The following STAM variants were observed in gnomAD, a reference collection of about 807,000 sequenced individuals.
The protein encoded by STAM is signal transducing adapter molecule 1.
Under a neutral mutation model 63.4 loss-of-function variants are expected in STAM, and 16 were observed. That is an observed-to-expected ratio of 0.25 (90% CI 0.17 to 0.38). The LOEUF (loss-of-function observed/expected upper bound fraction) is 0.38, where lower values mean the gene tolerates loss of function less well. Among genes scored for constraint, STAM ranks in the 10% least tolerant of loss-of-function variants. The pLI, the probability that STAM is intolerant of heterozygous loss-of-function variation, is 1.00. For missense variants in STAM, 636 were observed against 657.1 expected, an observed-to-expected ratio of 0.97 and a Z score of 0.35; for synonymous variants, 238 against 223.9, an observed-to-expected ratio of 1.06 and a Z score of -0.56.
At chr10:17,675,913 A>G (rs1228561944) in intron 2 of STAM, among the ~76,000 whole-genome samples, 3 of 152,198 alleles carry the variant, frequency 2.0e-5, no homozygotes, top group African/African-American at 7.2e-5. Context: ...GATACCTACA[A>G]ATAGCACTCC....
At chr10:17,672,532 A>T (rs1212432687) in intron 2 of STAM, among the ~76,000 whole-genome samples, 1 of 152,070 alleles carries the variant, frequency 6.6e-6, no homozygotes, top group Non-Finnish European at 1.5e-5. Flanking sequence ...TACAATTCCC[A>T]CTTTTCTCAT....
chr10:17,682,023 C>T (rs1554825441), intron 2 of STAM, among the ~76,000 whole-genome samples: 1 of 152,108 alleles, frequency 6.6e-6, no homozygotes, highest in African/African-American at 2.4e-5. Context: ...TTTTACTGAC[C>T]TGTGATTTAT....
chr10:17,659,793 C>T (rs1554822641), intron 1 of STAM, among the ~76,000 whole-genome samples: 2 of 152,074 alleles, frequency 1.3e-5, no homozygotes, highest in Admixed American at 6.6e-5. Context: ...TATGTAGATA[C>T]AAGTTTCTGA....
At chr10:17,712,233 T>C (rs781848218) in intron 13 of STAM, among the ~76,000 whole-genome samples, 9 of 152,226 alleles carry the variant, frequency 5.9e-5, no homozygotes, top group Non-Finnish European at 1.0e-4. Context: ...ACCCCCATTT[T>C]ATAGATGGGG....
intron 2 of STAM, among the ~76,000 whole-genome samples, chr10:17,671,501 A>T (rs1420003041): frequency 6.6e-6 from 1 of 152,104 alleles, no homozygotes; most frequent in African/African-American, 2.4e-5. Flanking sequence ...ACTGTATCAC[A>T]ATGCTTCTTT....
intron 1 of STAM, among the ~76,000 whole-genome samples, chr10:17,660,154 A>G (rs72780794): frequency 0.13 from 19,152 of 152,174 alleles, 1,626 homozygotes; most frequent in Non-Finnish European, 0.18. Context: ...TGAAAATAGT[A>G]TTTCTTATTT....
chr10:17,678,203 A>G (rs1455171449), intron 2 of STAM, among the ~76,000 whole-genome samples: 1 of 152,096 alleles, frequency 6.6e-6, no homozygotes, highest in East Asian at 1.9e-4. Flanking sequence ...GACATTTCAT[A>G]TAAATGGAGC....
intron 2 of STAM, among the ~76,000 whole-genome samples, chr10:17,684,347 C>G (rs1049096029): frequency 1.3e-5 from 2 of 151,988 alleles, no homozygotes; most frequent in African/African-American, 2.4e-5. Context: ...TTGTTTACAA[C>G]GGGAGTGTAA....
chr10:17,647,591 A>T (rs1263713820), intron 1 of STAM, among the ~76,000 whole-genome samples: 1 of 151,904 alleles, frequency 6.6e-6, no homozygotes, highest in Admixed American at 6.6e-5. Flanking sequence ...ATTCAGTCCC[A>T]GGTTTGCTGC....
At chr10:17,653,006 C>CT (rs1158439548) in intron 1 of STAM, among the ~76,000 whole-genome samples, 1 of 152,106 alleles carries the variant, frequency 6.6e-6, no homozygotes, top group Non-Finnish European at 1.5e-5. Context: ...ATAAGAGCAT[C>CT]TTTGTTATTT....
At chr10:17,668,519 G>T (rs917412425) in intron 2 of STAM, among the ~76,000 whole-genome samples, 1 of 152,166 alleles carries the variant, frequency 6.6e-6, no homozygotes, top group Non-Finnish European at 1.5e-5. Context: ...TGTATATAAT[G>T]ACATGTGTCT....
intron 2 of STAM, among the ~76,000 whole-genome samples, chr10:17,680,416 CT>C (rs369061075): frequency 0.015 from 2,143 of 142,234 alleles, 42 homozygotes; most frequent in African/African-American, 0.049. Flanking sequence ...TTTGACTACT[CT>C]TTTTTTTTTT....
chr10:17,707,313 G>T (rs1460640997), intron 12 of STAM, among the ~76,000 whole-genome samples: 8 of 152,130 alleles, frequency 5.3e-5, no homozygotes, highest in Non-Finnish European at 8.8e-5. Flanking sequence ...GGGAGGCTGA[G>T]GCAGGAGAAT....
chr10:17,668,697 G>T (rs1205383345), intron 2 of STAM, among the ~76,000 whole-genome samples: 1 of 152,134 alleles, frequency 6.6e-6, no homozygotes, highest in African/African-American at 2.4e-5. Flanking sequence ...CAAATGTTGT[G>T]TAATTGGGAT....
intron 1 of STAM, among the ~76,000 whole-genome samples, chr10:17,658,090 G>A (rs1248696495): frequency 2.6e-5 from 4 of 151,946 alleles, no homozygotes; most frequent in Non-Finnish European, 5.9e-5. Flanking sequence ...TTAAAAATAT[G>A]TATTCAATGC....
At chr10:17,687,837 A>G (rs530199477) in intron 4 of STAM, among the ~76,000 whole-genome samples, 190 bp from the exon 5 acceptor site, 1 of 152,336 alleles carries the variant, frequency 6.6e-6, no homozygotes, top group South Asian at 2.1e-4. Flanking sequence ...ATTTGAAGTG[A>G]GATATATATG....
At chr10:17,666,076 G>T (rs1309345265) in intron 2 of STAM, among the ~76,000 whole-genome samples, 1 of 152,098 alleles carries the variant, frequency 6.6e-6, no homozygotes, top group Admixed American at 6.5e-5. Flanking sequence ...AAACATAGAC[G>T]TGAGGATAAA....
chr10:17,694,944 A>G, intron 6 of STAM, 105 bp from the exon 7 acceptor site: 13 of 1,039,338 alleles, frequency 1.3e-5, no homozygotes, highest in Non-Finnish European at 1.8e-5. Flanking sequence ...GTTTCTAACT[A>G]TACTATTGAA....
chr10:17,644,221 A>G lies in STAM; in HGVS notation c.-119A>G, dbSNP rs1387918161. The stretch of plus-strand genomic sequence containing the variant: ...TGGGTGAGAGGAGGAGCTGTCGCGG[A>G]CCCTGTAGAGTCGGTCTCTGTTGCT... On this transcript the variant is annotated 5_prime_UTR_variant, in exon 1 of 14. Coordinates refer to ENST00000377524, the MANE Select transcript of STAM (RefSeq NM_003473.4). The G allele has an allele frequency of 9.1e-7, 1 of 1,097,564 alleles. No homozygotes were observed. The highest frequency in any genetic ancestry group is 1.4e-6 in the Non-Finnish European group (1 of 732,962). The allele number at this position is 1,097,564 out of a possible 1,614,324, so 68.0% of individuals were successfully genotyped here.
Sources: allele counts gnomAD v4.1 joint callset (sites outside exome capture counted in the v4.1 genomes callset), GRCh38; gene constraint gnomAD v4.1.1; transcripts MANE v1.5; gene names NCBI Gene and HGNC (gene_info 2026-07-23, HGNC 2026-07-21).